ZNF81: variants seen among roughly 807,000 people sequenced by gnomAD.
ZNF81 encodes zinc finger protein 81 (HFZ20).
Under a neutral mutation model 32.3 loss-of-function variants are expected in ZNF81, and 5 were observed. The observed-to-expected ratio is 0.15, with a 90% confidence interval of 0.08 to 0.33. The LOEUF is 0.33. Ranked by LOEUF, ZNF81 falls within the 10% of genes least tolerant of loss-of-function variation. The pLI, the probability that ZNF81 is intolerant of heterozygous loss-of-function variation, is 1.00. For missense variants in ZNF81, 379 were observed against 479.8 expected, an observed-to-expected ratio of 0.79 and a Z score of 1.96; for synonymous variants, 163 against 166.8, an observed-to-expected ratio of 0.98 and a Z score of 0.17.
At chrX:47,878,283 C>G (rs1461957592) in intron 2 of ZNF81, among the ~76,000 whole-genome samples, 3 of 111,934 alleles carry the variant, frequency 2.7e-5, no homozygotes, top group Non-Finnish European at 5.6e-5. Flanking sequence ...CTCCACCCCT[C>G]CCACCAATGA....
intron 3 of ZNF81, among the ~76,000 whole-genome samples, chrX:47,892,346 G>A (rs1441522894): frequency 8.9e-6 from 1 of 112,075 alleles, no homozygotes; most frequent in African/African-American, 3.2e-5. Flanking sequence ...CCAGCCTACA[G>A]ACAAGAGCAC....
rs73632360 is a variant in ZNF81, at chrX:47,864,881, A to G, written c.54+18560A>G. 9.9e-3 allele frequency among the ~76,000 whole-genome samples: 1,113 copies of G among 112,513 alleles called. 14 individuals carry two copies. Among genetic ancestry groups the G allele is most frequent in the African/African-American group, 0.035 (1,079 of 30,920 alleles). The stretch of plus-strand genomic sequence containing the variant: ...CTTCCAAGTGGGAGACTGAAAAGCT[A>G]TGCCATTGGCAATAGCTCAAGAGTT... On this transcript the variant is annotated intron_variant, in intron 2 of 4. Coordinates refer to ENST00000338637, the MANE Select transcript of ZNF81 (RefSeq NM_007137.5).
intron 2 of ZNF81, among the ~76,000 whole-genome samples, chrX:47,846,610 A>G (rs2058471946): frequency 9.0e-6 from 1 of 111,569 alleles, no homozygotes; most frequent in African/African-American, 3.3e-5. Context: ...GTCACTTCGT[A>G]ATTTGCAATT....
intron 4 of ZNF81, among the ~76,000 whole-genome samples, chrX:47,897,119 A>T (rs1055308300): frequency 2.7e-5 from 3 of 112,203 alleles, no homozygotes; most frequent in Non-Finnish European, 5.6e-5. Context: ...TCATGTAATA[A>T]GTGTATACTT....
intron 1 of ZNF81, among the ~76,000 whole-genome samples, chrX:47,838,633 T>G (rs1403503813): frequency 3.6e-5 from 4 of 111,610 alleles, no homozygotes; most frequent in Non-Finnish European, 5.6e-5. Flanking sequence ...TGAACTAGTC[T>G]TACATTCCTG....
chrX:47,860,423 A>G (rs1413964567), intron 2 of ZNF81, among the ~76,000 whole-genome samples: 4 of 108,489 alleles, frequency 3.7e-5, no homozygotes, highest in African/African-American at 1.3e-4. Flanking sequence ...CCATGAGATG[A>G]TTCTTGATGG....
chrX:47,904,950 A>G (rs1556888861), intron 4 of ZNF81, among the ~76,000 whole-genome samples: 2 of 110,661 alleles, frequency 1.8e-5, no homozygotes, highest in Admixed American at 1.9e-4. Flanking sequence ...ATTCTCAGTA[A>G]ACTATCGCAA....
At chrX:47,891,103 T>C (rs781788046) in intron 3 of ZNF81, among the ~76,000 whole-genome samples, 1 of 111,657 alleles carries the variant, frequency 9.0e-6, no homozygotes, top group Non-Finnish European at 1.9e-5. Flanking sequence ...GTCTGGAGAG[T>C]TGATATACCT....
intron 2 of ZNF81, among the ~76,000 whole-genome samples, chrX:47,855,442 C>A (rs976513303): frequency 5.2e-4 from 58 of 110,769 alleles, no homozygotes; most frequent in African/African-American, 1.9e-3. Flanking sequence ...ACATACATTC[C>A]AAGATATAAC....
intron 1 of ZNF81, among the ~76,000 whole-genome samples, chrX:47,845,577 C>T (rs185510003): frequency 6.7e-4 from 75 of 111,611 alleles, no homozygotes; most frequent in Middle Eastern, 4.6e-3. Flanking sequence ...ACTTTGAGGG[C>T]GTGAACTTTG....
rs782367430 is a variant in ZNF81, at chrX:47,920,225, C to G, written c.*3593C>G. On this transcript the variant is annotated 3_prime_UTR_variant, in exon 5 of 5. Coordinates refer to ENST00000338637, the MANE Select transcript of ZNF81 (RefSeq NM_007137.5). ...TTGCCCAGAGAATTTTTATTTTTCC[C>G]AGACCACACTTGCCTTTAGGCCTGT... The G allele has an allele frequency of 9.8e-5, 11 of 111,902 alleles. No homozygotes were observed. Among genetic ancestry groups the G allele is most frequent in the Non-Finnish European group, 1.9e-4 (10 of 53,197 alleles). The allele number at this position is 111,902 out of a possible 1,213,427, so 9.2% of individuals were successfully genotyped here.
At chrX:47,901,118 GT>G (rs2058697000) in intron 4 of ZNF81, among the ~76,000 whole-genome samples, 1 of 109,779 alleles carries the variant, frequency 9.1e-6, no homozygotes, top group Admixed American at 9.7e-5. Flanking sequence ...ATTTTTGTTT[GT>G]TTTTTTATTT....
At chrX:47,886,757 C>T (rs2058643478) in intron 2 of ZNF81, among the ~76,000 whole-genome samples, 2 of 110,501 alleles carry the variant, frequency 1.8e-5, no homozygotes, top group Non-Finnish European at 3.8e-5. Flanking sequence ...TACCACTTCT[C>T]TTGGAATTTT....
At chrX:47,900,387 T>C (rs1325587290) in intron 4 of ZNF81, among the ~76,000 whole-genome samples, 1 of 111,636 alleles carries the variant, frequency 9.0e-6, no homozygotes, top group African/African-American at 3.3e-5. Flanking sequence ...CTGGAACAAA[T>C]GGATGTCAGT....
intron 2 of ZNF81, among the ~76,000 whole-genome samples, chrX:47,850,888 C>T (rs991094107): frequency 7.9e-5 from 2 of 25,221 alleles, no homozygotes; most frequent in Non-Finnish European, 2.0e-4. Flanking sequence ...CACAGGCACG[C>T]GCGCACACAC....
intron 2 of ZNF81, chrX:47,860,731 A>C (rs7064485): frequency 9.1e-6 from 1 of 109,965 alleles, no homozygotes; most frequent in African/African-American, 3.3e-5. Context: ...ACACCTGTTG[A>C]AGTCTGCAAA....
chrX:47,859,787 C>T (rs1164122440), intron 2 of ZNF81, among the ~76,000 whole-genome samples: 1 of 111,451 alleles, frequency 9.0e-6, no homozygotes, highest in East Asian at 2.8e-4. Flanking sequence ...TGTGCCAGCT[C>T]CCCAAGTCCT....
At chrX:47,855,168 T>A (rs1207502) in intron 2 of ZNF81, among the ~76,000 whole-genome samples, 11,450 of 103,897 alleles carry the variant, frequency 0.11, 1,346 homozygotes, top group African/African-American at 0.35. Context: ...ATAAATAAAT[T>A]AATTAATTAA....
chrX:47,842,814 C>A (rs375429953), intron 1 of ZNF81: 2 of 111,072 alleles, frequency 1.8e-5, no homozygotes, highest in African/African-American at 6.6e-5. Flanking sequence ...TTAGTAGAGA[C>A]GGGGTTTCAC....
Sources: allele counts gnomAD v4.1 joint callset (sites outside exome capture counted in the v4.1 genomes callset), GRCh38; gene constraint gnomAD v4.1.1; transcripts MANE v1.5; gene names NCBI Gene and HGNC (gene_info 2026-07-23, HGNC 2026-07-21).